Variants in PTPRD observed in about 807,000 individuals in gnomAD.
PTPRD encodes receptor-type tyrosine-protein phosphatase delta.
In PTPRD, 34 loss-of-function variants were observed where a neutral mutation model predicts 214.5. That is an observed-to-expected ratio of 0.16 (90% CI 0.12 to 0.21). The LOEUF (loss-of-function observed/expected upper bound fraction) is 0.21, where lower values mean the gene tolerates loss of function less well. Among genes scored for constraint, PTPRD ranks in the 10% least tolerant of loss-of-function variants. The probability of loss-of-function intolerance (pLI) is 1.00; values close to 1 mark genes in which losing one functional copy is unlikely to be tolerated. For missense variants in PTPRD, 2,545 were observed against 2,398.7 expected (o/e 1.06, Z -1.27); for synonymous variants, 1,128 against 845.7 (o/e 1.33, Z -5.79).
At chr9:9,955,753 G>A (rs543028998) in intron 4 of PTPRD, among the ~76,000 whole-genome samples, 1 of 152,122 alleles carries the variant, frequency 6.6e-6, no homozygotes, top group Admixed American at 6.5e-5. Flanking sequence ...TCGATCTCCT[G>A]ACCTCGTGAT....
At chr9:10,575,422 A>G (rs2068908833) in intron 2 of PTPRD, among the ~76,000 whole-genome samples, 1 of 152,162 alleles carries the variant, frequency 6.6e-6, no homozygotes, top group African/African-American at 2.4e-5. Context: ...GAGGGCCACA[A>G]ATAGATTTTT....
At chr9:9,549,112 A>T (rs2079554150) in intron 8 of PTPRD, among the ~76,000 whole-genome samples, 1 of 152,164 alleles carries the variant, frequency 6.6e-6, no homozygotes, top group Non-Finnish European at 1.5e-5. Context: ...TATTTTTTAG[A>T]TAAGAAATAG....
intron 33 of PTPRD, chr9:8,451,786 G>A (rs901905027): frequency 9.7e-6 from 4 of 413,784 alleles, no homozygotes; most frequent in East Asian, 7.6e-5. Flanking sequence ...CAGGCCCAAC[G>A]ACTAAAATTT....
At chr9:10,035,289 T>C (rs966762762) in intron 3 of PTPRD, among the ~76,000 whole-genome samples, 5 of 152,158 alleles carry the variant, frequency 3.3e-5, no homozygotes, top group African/African-American at 1.2e-4. Flanking sequence ...ATGGGGTATT[T>C]TTTTTTCTTG....
chr9:10,246,217 C>T (rs537488577), intron 3 of PTPRD, among the ~76,000 whole-genome samples: 1 of 152,022 alleles, frequency 6.6e-6, no homozygotes, highest in South Asian at 2.1e-4. Context: ...TAAAGTGAAA[C>T]ATTAGTACCA....
At chr9:8,967,919 A>T (rs1254641864) in intron 11 of PTPRD, among the ~76,000 whole-genome samples, 1 of 151,970 alleles carries the variant, frequency 6.6e-6, no homozygotes, top group Admixed American at 6.6e-5. Flanking sequence ...CCACCCCACG[A>T]GAGGCCCCGG....
At chr9:8,396,915 A>T (rs893718922) in intron 36 of PTPRD, among the ~76,000 whole-genome samples, 4 of 152,166 alleles carry the variant, frequency 2.6e-5, no homozygotes, top group Admixed American at 6.6e-5. Flanking sequence ...TGCTACTCAA[A>T]AAAAGGAAGT....
At chr9:9,347,883 C>A (rs527941460) in intron 9 of PTPRD, among the ~76,000 whole-genome samples, 113 of 152,220 alleles carry the variant, frequency 7.4e-4, no homozygotes, top group Middle Eastern at 3.4e-3. Flanking sequence ...AGCTCATTAC[C>A]ACTGCCATTA....
rs200669619 is a variant in PTPRD at position 8,375,991 on chromosome 9, G to A, written c.4606C>T (p.Arg1536Cys). 1.1e-5 allele frequency: 18 copies of A among 1,612,798 alleles called. No individual in the cohort carries two copies. Among genetic ancestry groups the A allele is most frequent in the Admixed American group, 3.3e-5 (2 of 59,866 alleles). The part of the protein sequence containing the change: ...EHPTPFLAFL[R>C]RVKTCNPPDA... ...GGAGGGTTACAGGTTTTGACTCTACGTAAGAAAGCTAGAAAAGGTGTAGGG... is the reference window on the plus strand; with the variant it reads ...GGAGGGTTACAGGTTTTGACTCTACATAAGAAAGCTAGAAAAGGTGTAGGG... The change falls in exon 39 of 46, where the codon CGT becomes TGT. Residue 1536 changes from arginine (R) to cysteine (C), a missense_variant. Coordinates refer to ENST00000381196, the MANE Select transcript of PTPRD (RefSeq NM_002839.4).
chr9:8,780,999 ACT>A (rs1414104490), intron 11 of PTPRD, among the ~76,000 whole-genome samples: 2 of 152,166 alleles, frequency 1.3e-5, no homozygotes, highest in Non-Finnish European at 2.9e-5. Flanking sequence ...GAGCTATTAC[ACT>A]CTGAAGAAAT....
At chr9:9,469,066 G>C (rs1388741107) in intron 8 of PTPRD, among the ~76,000 whole-genome samples, 1 of 152,102 alleles carries the variant, frequency 6.6e-6, no homozygotes, top group Admixed American at 6.5e-5. Context: ...CACTTGAAAT[G>C]TTTGGCCCAA....
intron 2 of PTPRD, among the ~76,000 whole-genome samples, chr9:10,496,358 C>T (rs981996010): frequency 1.3e-5 from 2 of 151,732 alleles, no homozygotes; most frequent in Non-Finnish European, 2.9e-5. Context: ...ATATATAAGC[C>T]CTACTTTATA....
intron 12 of PTPRD, among the ~76,000 whole-genome samples, chr9:8,708,867 A>T (rs1565454142): frequency 6.6e-6 from 1 of 152,130 alleles, no homozygotes; most frequent in African/African-American, 2.4e-5. Flanking sequence ...TGGATGAGTG[A>T]ATAAAGAAAA....
intron 2 of PTPRD, among the ~76,000 whole-genome samples, chr9:10,466,666 TAAC>T (rs1208710570): frequency 2.1e-5 from 3 of 145,224 alleles, no homozygotes; most frequent in Non-Finnish European, 4.5e-5. Flanking sequence ...AGAAATTTTA[TAAC>T]AACGTGTATA....
intron 8 of PTPRD, among the ~76,000 whole-genome samples, chr9:9,418,989 A>G (rs963846823): frequency 3.3e-5 from 5 of 151,828 alleles, no homozygotes; most frequent in South Asian, 2.1e-4. Flanking sequence ...GATAAGCAAT[A>G]AATGATCATC....
At chr9:9,809,188 T>C (rs1244830722) in intron 5 of PTPRD, among the ~76,000 whole-genome samples, 1 of 152,034 alleles carries the variant, frequency 6.6e-6, no homozygotes, top group Admixed American at 6.6e-5. Context: ...TAGGCCTTTT[T>C]TTCTGTCTAT....
At chr9:10,333,352 A>G (rs1445452903) in intron 3 of PTPRD, among the ~76,000 whole-genome samples, 1 of 151,748 alleles carries the variant, frequency 6.6e-6, no homozygotes, top group Admixed American at 6.6e-5. Flanking sequence ...ACTGGAAAGG[A>G]GGGCAGGAAG....
At chr9:8,994,862 A>G (rs2154350563) in intron 11 of PTPRD, among the ~76,000 whole-genome samples, 1 of 152,260 alleles carries the variant, frequency 6.6e-6, no homozygotes, top group Non-Finnish European at 1.5e-5. Flanking sequence ...AAATACTCTT[A>G]GTTGTTCTAC....
chr9:9,607,554 A>G lies in PTPRD; in HGVS notation c.-286-32773T>C, dbSNP rs376051119. 1.6e-4 allele frequency among the ~76,000 whole-genome samples: 25 copies of G among 152,252 alleles called. No individual in the cohort carries two copies. In the East Asian group the frequency reaches 3.9e-3, roughly 23 times the overall value. ...AGAAACCAAAAGATGCAAAGTTTAT[A>G]TGTCTTCTTTATCCATCCTCAGTCT... On this transcript the variant is annotated intron_variant, in intron 7 of 45. Coordinates refer to ENST00000381196, the MANE Select transcript of PTPRD (RefSeq NM_002839.4).
Sources: gnomAD v4.1 joint callset for allele counts (sites outside exome capture counted in the v4.1 genomes callset) on GRCh38, gnomAD v4.1.1 for gene constraint, MANE v1.5 for transcripts, NCBI Gene and HGNC (gene_info 2026-07-23, HGNC 2026-07-21) for gene names.